CLCN7: variants seen among roughly 807,000 people sequenced by gnomAD.
CLCN7 encodes Cl-/H+ antiporter 7.
In CLCN7, 60 loss-of-function variants were observed where a neutral mutation model predicts 102.1. The observed-to-expected ratio is 0.59, with a 90% CI of 0.48 to 0.73. The LOEUF (loss-of-function observed/expected upper bound fraction) is 0.73, where lower values mean the gene tolerates loss of function less well. CLCN7 is among the 30% of genes least tolerant of loss of function. The pLI is 0.00. For synonymous variants in CLCN7, 560 were observed against 490.5 expected (o/e 1.14, Z -1.87); for missense variants, 962 against 1,125.7 (o/e 0.85, Z 2.08).
chr16:1,461,553 C>A lies in CLCN7; in HGVS notation c.285+50G>T, dbSNP rs773861967. Reference sequence around the variant, plus strand: ...GCACAGGGGACCGGGAGTGGGCTGGCAGGGGGCAGAGGCCGGGTCTCAGGG... The same window carrying A: ...GCACAGGGGACCGGGAGTGGGCTGGAAGGGGGCAGAGGCCGGGTCTCAGGG... On this transcript the variant is annotated intron_variant, in intron 3 of 24. Coordinates refer to ENST00000382745, the MANE Select transcript of CLCN7 (RefSeq NM_001287.6). The A allele has an allele frequency of 4.0e-5, 64 of 1,609,444 alleles. 1 individual carries two copies. Among genetic ancestry groups the A allele is most frequent in the Non-Finnish European group, 8.5e-7 (1 of 1,176,736 alleles).
chr16:1,465,997 T>A (rs1477398168), intron 1 of CLCN7, among the ~76,000 whole-genome samples: 1 of 152,214 alleles, frequency 6.6e-6, no homozygotes, highest in Admixed American at 6.5e-5. Flanking sequence ...GAGGCCAGGC[T>A]AGGAGGAGCC....
chr16:1,468,989 G>A (rs1222713211), intron 1 of CLCN7, among the ~76,000 whole-genome samples: 7 of 149,544 alleles, frequency 4.7e-5, no homozygotes, highest in Non-Finnish European at 1.5e-5. Context: ...TCAGGAGTTC[G>A]AGACCAGCCT....
chr16:1,460,369 C>G, intron 6 of CLCN7, 49 bp downstream of exon 6: 1 of 1,385,018 alleles, frequency 7.2e-7, no homozygotes, highest in Non-Finnish European at 1.0e-6. Context: ...TCACCAAGAC[C>G]CCCAATCCTT....
chr16:1,472,251 T>C (rs2039088658), intron 1 of CLCN7, among the ~76,000 whole-genome samples: 1 of 152,068 alleles, frequency 6.6e-6, no homozygotes, highest in Non-Finnish European at 1.5e-5. Context: ...TTTATTTTTA[T>C]TTTTGAGATG....
intron 17 of CLCN7, 23 bp downstream of exon 17, chr16:1,450,474 G>A (rs941299209): frequency 3.1e-5 from 49 of 1,577,922 alleles, no homozygotes; most frequent in Non-Finnish European, 3.7e-5. Context: ...GGGCCCCACA[G>A]CCTCCCCTCC....
Position 1,473,274 on chromosome 16 carries a change from G to C in CLCN7, c.141+1560C>G, listed in dbSNP as rs532500877. Among the ~76,000 whole-genome samples, 40 of 151,766 alleles carry C rather than the reference G, an allele frequency of 2.6e-4. No individual in the cohort carries two copies. In the Middle Eastern group the frequency reaches 0.01, roughly 39 times the overall value. On this transcript the variant is annotated intron_variant, in intron 1 of 24. Transcript: ENST00000382745. Reference sequence around the variant, plus strand: ...TGCTGCTTCTTATCAGCAAAAGGCAGACTATGACCTTCTTTGTCTGGTGCG... The same window carrying C: ...TGCTGCTTCTTATCAGCAAAAGGCACACTATGACCTTCTTTGTCTGGTGCG...
Position 1,465,318 on chromosome 16 carries a change from G to T in CLCN7, c.162C>A (p.Phe54Leu). Residue 54 changes from phenylalanine to leucine, a missense_variant, in exon 2 of 25, where the codon TTC becomes TTA. Transcript: ENST00000382745. ...AARQSPRSAL[F>L]RVGHMSSVEL... Reference sequence around the variant, plus strand: ...CCACGCTGCTCATATGTCCGACTCGGAAAAGCGCAGAACGTGGTGACTAAA... The same window carrying T: ...CCACGCTGCTCATATGTCCGACTCGTAAAAGCGCAGAACGTGGTGACTAAA... The T allele has an allele frequency of 6.2e-7, 1 of 1,613,762 alleles. No individual in the cohort carries two copies. Among genetic ancestry groups the T allele is most frequent in the South Asian group, 1.1e-5 (1 of 90,994 alleles).
Position 1,446,112 on chromosome 16 carries a change from G to A in CLCN7, c.*519C>T, listed in dbSNP as rs973572267. On this transcript the variant is annotated 3_prime_UTR_variant, in exon 25 of 25. Coordinates refer to ENST00000382745, the MANE Select transcript of CLCN7 (RefSeq NM_001287.6). ...CGCAGCCTCCAAACCCTGGTGCTAC[G>A]AGTCCGTGCCTCAGGCCCAGGGACC... 13 of 596,060 alleles carry A rather than the reference G, an allele frequency of 2.2e-5. No individual in the cohort carries two copies. Among genetic ancestry groups the A allele is most frequent in the Non-Finnish European group, 3.3e-5 (11 of 335,466 alleles). The allele number at this position is 596,060 out of a possible 1,614,324, so 36.9% of individuals were successfully genotyped here.
chr16:1,453,935 A>G (rs2038793798), intron 13 of CLCN7, 41 bp from the exon 14 acceptor site: 1 of 1,605,684 alleles, frequency 6.2e-7, no homozygotes, highest in Non-Finnish European at 8.5e-7. Context: ...ACCGGAGGAA[A>G]AGTGCGGGCC....
rs776459030 is a variant in CLCN7, at chr16:1,456,201, G to C, written c.828C>G (p.Phe276Leu). The C allele has an allele frequency of 3.2e-6, 5 of 1,564,044 alleles. No homozygotes were observed. The South Asian group carries it at 5.8e-5, about 18-fold the overall frequency. ...TCTCTGTGTCTCTGCGGAAGTACTCGAAGATCTGCAACAGGGACAGACCAG... is the reference window on the plus strand; with the variant it reads ...TCTCTGTGTCTCTGCGGAAGTACTCCAAGATCTGCAACAGGGACAGACCAG... ...STSLKRDFKI[F>L]EYFRRDTEKR... is the part of the protein sequence containing the mutation. Residue 276 changes from phenylalanine (F) to leucine (L), a missense_variant, in exon 10 of 25, where the codon TTC becomes TTG. Phe to Leu is a conservative substitution (Grantham distance 22). Coordinates refer to ENST00000382745, the MANE Select transcript of CLCN7 (RefSeq NM_001287.6).
At chr16:1,458,621 G>T (rs552659573) in intron 7 of CLCN7, among the ~76,000 whole-genome samples, 1 of 152,236 alleles carries the variant, frequency 6.6e-6, no homozygotes, top group Admixed American at 6.5e-5. Context: ...ACGGGGCTGC[G>T]GCAAGTCTCA....
rs1204784164 is a variant in CLCN7, at chr16:1,445,990, C to T, written c.*641G>A. On this transcript the variant is annotated 3_prime_UTR_variant, in exon 25 of 25. Transcript: ENST00000382745. Reference sequence around the variant, plus strand: ...ACAGCACAGGGCCCGTGAGTCACCCCAGTCCTCTGGGCCTGTGTACCCAAG... The same window carrying T: ...ACAGCACAGGGCCCGTGAGTCACCCTAGTCCTCTGGGCCTGTGTACCCAAG... 1 of 485,352 alleles carries T rather than the reference C, an allele frequency of 2.1e-6. No homozygotes were observed. The highest frequency in any genetic ancestry group is 3.7e-6 in the Non-Finnish European group (1 of 272,686). 30.1% of individuals were successfully genotyped at this position (485,352 alleles called of 1,614,324 possible).
chr16:1,447,018 G>A lies in CLCN7; in HGVS notation c.2319C>T (p.Asp773=), dbSNP rs2038658536. 6.3e-7 allele frequency: 1 copy of A among 1,598,412 alleles called. No homozygotes were observed. ...CGCCCCCGCTCACCTGATTGCGGTT[G>A]TCCACCACCACCAGGTGCCGCAGGC... ...ALGLRHLVVV[D]NRNQVVGLVT... is the part of the protein sequence containing the mutation. The change falls in exon 24 of 25, where the codon GAC becomes GAT. Residue 773 remains aspartate, a synonymous_variant. Coordinates refer to ENST00000382745, the MANE Select transcript of CLCN7 (RefSeq NM_001287.6).
rs759148631 is a variant in CLCN7, at chr16:1,465,337, G to A, written c.143C>T (p.Ser48Leu). 1.9e-6 allele frequency: 3 copies of A among 1,613,132 alleles called. No individual in the cohort carries two copies. Among genetic ancestry groups the A allele is most frequent in the Non-Finnish European group, 2.5e-6 (3 of 1,179,668 alleles). Residue 48 changes from serine (S) to leucine (L), a missense_variant and splice_region_variant, in exon 2 of 25, where the codon TCA becomes TTA. This residue lies in a region of CLCN7 where 163 missense variants were observed against 137.7 expected (regional missense o/e 1.18). Coordinates refer to ENST00000382745, the MANE Select transcript of CLCN7 (RefSeq NM_001287.6). Reference sequence around the variant, plus strand: ...GACTCGGAAAAGCGCAGAACGTGGTGACTAAAAGCAGAAGAGAAATCATGA... The same window carrying A: ...GACTCGGAAAAGCGCAGAACGTGGTAACTAAAAGCAGAAGAGAAATCATGA... ...NGAGPGAARQ[S>L]PRSALFRVGH...
rs367805626 is a variant in CLCN7, at chr16:1,450,643, C to G, written c.1471G>C (p.Gly491Arg). 6.2e-7 allele frequency: 1 copy of G among 1,611,916 alleles called. No individual in the cohort carries two copies. The highest frequency in any genetic ancestry group is 2.2e-5 in the East Asian group (1 of 44,828). ...PPGSYNPLTL[G>R]LFTLVYFFLA... ...AAGAAGTAGACCAGCGTGAACAGGC[C>G]GAGGGTCAGGGGGTTGTAGGAGCCT... Residue 491 changes from glycine (G) to arginine (R), a missense_variant, in exon 17 of 25, where the codon GGC becomes CGC. Coordinates refer to ENST00000382745, the MANE Select transcript of CLCN7 (RefSeq NM_001287.6).
chr16:1,452,848 C>A lies in CLCN7; in HGVS notation c.1260G>T (p.Val420=), dbSNP rs2142374733. The A allele has an allele frequency of 1.3e-6, 2 of 1,583,888 alleles. No homozygotes were observed. Among genetic ancestry groups the A allele is most frequent in the East Asian group, 4.7e-5 (2 of 42,880 alleles). The change falls in exon 15 of 25, where the codon GTG becomes GTT. Residue 420 remains valine (V), a synonymous_variant. Coordinates refer to ENST00000382745, the MANE Select transcript of CLCN7 (RefSeq NM_001287.6). ...PCLQVIEAVL[V]AAVTATVAFV... is the part of the protein sequence containing the mutation. ...AGGCAACTGTGGCCGTGACGGCGGC[C>A]ACCAGCACGGCCTCAATCACCTGCA...
chr16:1,449,686 A>C, intron 17 of CLCN7: 1 of 333,420 alleles, frequency 3.0e-6, no homozygotes. Context: ...TGGGCCACAG[A>C]ACCCAGGCAT....
chr16:1,472,888 G>C (rs752371713), intron 1 of CLCN7, among the ~76,000 whole-genome samples: 1 of 147,642 alleles, frequency 6.8e-6, no homozygotes, highest in East Asian at 2.0e-4. Flanking sequence ...TCAGCCTCCC[G>C]AGCCAGTAGC....
chr16:1,463,043 T>C (rs1177139907), intron 2 of CLCN7, among the ~76,000 whole-genome samples: 2 of 151,926 alleles, frequency 1.3e-5, no homozygotes, highest in African/African-American at 2.4e-5. Context: ...TCCCAGCTAC[T>C]TGGGAGACAG....
Sources: gnomAD v4.1 joint callset for allele counts (sites outside exome capture counted in the v4.1 genomes callset) on GRCh38, gnomAD v4.1.1 for gene constraint, gnomAD v4.1.1 regional missense constraint, MANE v1.5 for transcripts, NCBI Gene and HGNC (gene_info 2026-07-23, HGNC 2026-07-21) for gene names.